The following RIMS1 variants were observed in gnomAD, a reference collection of about 807,000 sequenced individuals.
RIMS1 encodes the protein regulating synaptic membrane exocytosis 1.
A neutral mutation model predicts 214.1 loss-of-function variants in RIMS1; 83 were observed. The ratio of observed to expected loss-of-function variants is 0.39; its 90% CI spans 0.32 to 0.47. The LOEUF (loss-of-function observed/expected upper bound fraction) is 0.47. Among genes scored for constraint, RIMS1 ranks in the 20% least tolerant of loss-of-function variants. The pLI, the probability that RIMS1 is intolerant of heterozygous loss-of-function variation, is 0.99. For missense variants in RIMS1, 2,050 were observed against 2,161.8 expected (o/e 0.95, Z 1.03); for synonymous variants, 793 against 786.8 (o/e 1.01, Z -0.13).
chr6:72,291,014 A>T (rs1239534992), intron 25 of RIMS1, among the ~76,000 whole-genome samples, 153 bp downstream of exon 25: 21 of 152,144 alleles, frequency 1.4e-4, no homozygotes, highest in Non-Finnish European at 8.8e-5. Context: ...CACATCCTCT[A>T]TTACTTGCAT....
intron 28 of RIMS1, among the ~76,000 whole-genome samples, chr6:72,326,273 A>C (rs896573974): frequency 6.6e-6 from 1 of 151,890 alleles, no homozygotes; most frequent in East Asian, 1.9e-4. Context: ...TGTCTTCTGA[A>C]AACATTCTTG....
intron 1 of RIMS1, among the ~76,000 whole-genome samples, chr6:71,920,582 G>T (rs1779674105): frequency 6.6e-6 from 1 of 152,114 alleles, no homozygotes; most frequent in African/African-American, 2.4e-5. Context: ...AATTTAATTA[G>T]TGGGTACTCT....
intron 10 of RIMS1, among the ~76,000 whole-genome samples, chr6:72,244,073 G>C (rs1257833680): frequency 6.6e-6 from 1 of 150,670 alleles, no homozygotes; most frequent in African/African-American, 2.4e-5. Flanking sequence ...ATAATTAAAG[G>C]AAAAAGAAAA....
chr6:71,964,042 C>T (rs993808046), intron 1 of RIMS1, among the ~76,000 whole-genome samples: 5 of 152,070 alleles, frequency 3.3e-5, no homozygotes, highest in African/African-American at 9.7e-5. Context: ...TCTCAGAAAA[C>T]AGTAGAGCAA....
At chr6:71,923,965 G>A (rs1050111066) in intron 1 of RIMS1, among the ~76,000 whole-genome samples, 4 of 152,140 alleles carry the variant, frequency 2.6e-5, no homozygotes, top group African/African-American at 9.7e-5. Flanking sequence ...TCTTGTTTTG[G>A]TAATTAGCTA....
At chr6:72,170,403 G>A (rs1482694573) in intron 4 of RIMS1, among the ~76,000 whole-genome samples, 2 of 152,106 alleles carry the variant, frequency 1.3e-5, no homozygotes, top group Non-Finnish European at 2.9e-5. Flanking sequence ...GCATGCAAGG[G>A]TGCAATCTCT....
intron 29 of RIMS1, among the ~76,000 whole-genome samples, chr6:72,357,628 G>T (rs2097688543): frequency 6.6e-6 from 1 of 152,094 alleles, no homozygotes; most frequent in Admixed American, 6.6e-5. Context: ...ATTCTACAGG[G>T]TCTCTAATAC....
intron 1 of RIMS1, among the ~76,000 whole-genome samples, chr6:71,942,511 T>C (rs1274857743): frequency 6.6e-6 from 1 of 152,204 alleles, no homozygotes; most frequent in African/African-American, 2.4e-5. Flanking sequence ...TTTGTTATTT[T>C]TCCACAGCAT....
At chr6:72,216,863 T>G (rs2056307090) in intron 6 of RIMS1, 1 of 1,034,284 alleles carries the variant, frequency 9.7e-7, no homozygotes, top group South Asian at 4.4e-5. Context: ...CTAAAAGAGC[T>G]TTAGTGTATG....
intron 2 of RIMS1, among the ~76,000 whole-genome samples, chr6:72,060,215 C>T (rs909155632): frequency 6.6e-6 from 1 of 151,932 alleles, no homozygotes; most frequent in African/African-American, 2.4e-5. Flanking sequence ...GTGATCCACC[C>T]GTCTCAGACT....
chr6:72,293,627 A>G (rs2093712708), intron 26 of RIMS1, among the ~76,000 whole-genome samples: 1 of 151,864 alleles, frequency 6.6e-6, no homozygotes, highest in African/African-American at 2.4e-5. Context: ...TGCAAATAAA[A>G]CATTTTATGG....
chr6:71,909,615 G>T (rs1776307833), intron 1 of RIMS1, among the ~76,000 whole-genome samples: 1 of 152,076 alleles, frequency 6.6e-6, no homozygotes, highest in Non-Finnish European at 1.5e-5. Context: ...GCGCTGGCTT[G>T]CATTAGAAAA....
chr6:72,374,102 A>G (rs1389405207), intron 29 of RIMS1, among the ~76,000 whole-genome samples: 2 of 152,054 alleles, frequency 1.3e-5, no homozygotes, highest in South Asian at 2.1e-4. Context: ...TTTAGTAGAC[A>G]TGGGGTTTCA....
chr6:72,302,683 G>A (rs997624921), intron 26 of RIMS1, among the ~76,000 whole-genome samples: 1 of 151,594 alleles, frequency 6.6e-6, no homozygotes, highest in African/African-American at 2.4e-5. Flanking sequence ...AGGAAGCAGA[G>A]ATGCTAGTTT....
At chr6:72,062,870 C>T (rs1484751425) in intron 2 of RIMS1, among the ~76,000 whole-genome samples, 2 of 152,078 alleles carry the variant, frequency 1.3e-5, no homozygotes, top group Non-Finnish European at 2.9e-5. Flanking sequence ...ATCATCTTTC[C>T]TCTGTACTTC....
intron 2 of RIMS1, among the ~76,000 whole-genome samples, chr6:72,056,432 A>G (rs1398159830): frequency 6.6e-6 from 1 of 152,228 alleles, no homozygotes; most frequent in East Asian, 1.9e-4. Flanking sequence ...TAAAACATAA[A>G]TTTAAAAATG....
At position 72,179,893 on chromosome 6, in the gene RIMS1, A is replaced by G; in HGVS notation, c.790A>G (p.Arg264Gly). 1.3e-6 allele frequency: 2 copies of G among 1,548,588 alleles called. No individual in the cohort carries two copies. Among genetic ancestry groups the G allele is most frequent in the South Asian group, 2.5e-5 (2 of 79,066 alleles). ...PEQKQASSRS[R>G]SEPPRERKKT... is the part of the protein sequence containing the mutation. ...ACAGAAGCAGGCTTCATCCAGGTCT[A>G]GAAGTGAACCTCCTAGAGAGAGGTA... Residue 264 changes from arginine to glycine, a missense_variant, in exon 5 of 34, where the codon AGA becomes GGA. This residue lies in a region of RIMS1 where 882 missense variants were observed against 828.9 expected (regional missense o/e 1.06). Transcript: ENST00000521978.
At chr6:71,936,771 A>G (rs1214873928) in intron 1 of RIMS1, among the ~76,000 whole-genome samples, 1 of 152,218 alleles carries the variant, frequency 6.6e-6, no homozygotes, top group Non-Finnish European at 1.5e-5. Flanking sequence ...TCCGTTTTGT[A>G]AAACTGATTC....
intron 1 of RIMS1, among the ~76,000 whole-genome samples, chr6:71,931,360 C>T (rs1269675174): frequency 6.6e-6 from 1 of 151,942 alleles, no homozygotes; most frequent in Non-Finnish European, 1.5e-5. Context: ...TGAGTAAGCT[C>T]TACCATGTAT....
Sources: gnomAD v4.1 joint callset for allele counts (sites outside exome capture counted in the v4.1 genomes callset) on GRCh38, gnomAD v4.1.1 for gene constraint, gnomAD v4.1.1 regional missense constraint, MANE v1.5 for transcripts, NCBI Gene and HGNC (gene_info 2026-07-23, HGNC 2026-07-21) for gene names.